The following PRDX3 variants were observed in gnomAD, a reference collection of about 807,000 sequenced individuals.
PRDX3 encodes the protein peroxiredoxin 3.
A neutral mutation model predicts 30.4 loss-of-function variants in PRDX3; 20 were observed. The ratio of observed to expected loss-of-function variants is 0.66; its 90% CI spans 0.46 to 0.96. PRDX3 has a LOEUF of 0.96. Among genes scored for constraint, PRDX3 ranks in the 40% least tolerant of loss-of-function variants. PRDX3 has a pLI of 0.00. For missense variants in PRDX3, 322 were observed against 318.3 expected, an observed-to-expected ratio of 1.01 and a Z score of -0.09; for synonymous variants, 124 against 117.8, an observed-to-expected ratio of 1.05 and a Z score of -0.34.
At chr10:119,175,624 T>G (rs989167336) in intron 2 of PRDX3, among the ~76,000 whole-genome samples, 14 of 152,118 alleles carry the variant, frequency 9.2e-5, no homozygotes, top group African/African-American at 2.7e-4. Context: ...CTCCATCTCC[T>G]GACCTCGTGA....
chr10:119,169,066 T>A, intron 6 of PRDX3, 111 bp downstream of exon 6: 1 of 1,080,100 alleles, frequency 9.3e-7, no homozygotes, highest in Non-Finnish European at 1.3e-6. Context: ...CATTTGCATA[T>A]CATCTGCACG....
At position 119,177,004 on chromosome 10, in the gene PRDX3, C is replaced by T. The variant is rs1848044768; in HGVS notation, c.169+17G>A. The T allele has an allele frequency of 6.2e-7, 1 of 1,613,908 alleles. No homozygotes were observed. Among genetic ancestry groups the T allele is most frequent in the South Asian group, 1.1e-5 (1 of 91,064 alleles). On this transcript the variant is annotated intron_variant, in intron 2 of 6. Coordinates refer to ENST00000298510, the MANE Select transcript of PRDX3 (RefSeq NM_006793.5). ...TTCCTTTACCTGGCTCCAGCCAAGA[C>T]ATGACATAACACTTACTGGTGCTGA...
intron 5 of PRDX3, among the ~76,000 whole-genome samples, 176 bp downstream of exon 5, chr10:119,172,206 G>C (rs1057136114): frequency 6.6e-6 from 1 of 152,176 alleles, no homozygotes; most frequent in African/African-American, 2.4e-5. Flanking sequence ...CTGAACTCAA[G>C]TGATCTTCCC....
Position 119,173,737 on chromosome 10 carries a change from C to T in PRDX3, c.447G>A (p.Lys149=), listed in dbSNP as rs1225112476. The T allele has an allele frequency of 1.9e-6, 3 of 1,611,382 alleles. No homozygotes were observed. Among genetic ancestry groups the T allele is most frequent in the Non-Finnish European group, 1.7e-6 (2 of 1,179,714 alleles). The change falls in exon 4 of 7, where the codon AAG becomes AAA. Residue 149 remains lysine, a splice_region_variant and synonymous_variant. Transcript: ENST00000298510. ...SHLAWINTPR[K]NGGLGHMNIA... is the part of the protein sequence containing the mutation. ...AAAAGCTAGGGGTACAATGCCATAC[C>T]TTTCTTGGTGTATTTATCCAGGCAA... is the stretch of plus-strand genomic sequence containing the variant.
At position 119,178,798 on chromosome 10, in the gene PRDX3, G is replaced by T; in HGVS notation, c.-8C>A. On this transcript the variant is annotated 5_prime_UTR_variant, in exon 1 of 7. Transcript: ENST00000298510. ...TCCTACAGCAGCCGCCATCTTCAGT[G>T]CACTCGGGCGCCACGGGGCGGGCAG... is the stretch of plus-strand genomic sequence containing the variant. The T allele has an allele frequency of 6.4e-7, 1 of 1,552,086 alleles. No individual in the cohort carries two copies. Among genetic ancestry groups the T allele is most frequent in the Non-Finnish European group, 8.7e-7 (1 of 1,147,846 alleles).
At chr10:119,173,417 G>A (rs567706866) in intron 4 of PRDX3, among the ~76,000 whole-genome samples, 5 of 152,092 alleles carry the variant, frequency 3.3e-5, no homozygotes, top group South Asian at 2.1e-4. Flanking sequence ...CGAGACCAGC[G>A]TGACCAACAT....
intron 2 of PRDX3, among the ~76,000 whole-genome samples, chr10:119,176,277 C>T (rs530481507): frequency 5.9e-5 from 9 of 152,258 alleles, no homozygotes; most frequent in African/African-American, 1.7e-4. Flanking sequence ...GATGAGGATT[C>T]GAAACCAGTG....
At chr10:119,172,970 G>A (rs1014439514) in intron 4 of PRDX3, among the ~76,000 whole-genome samples, 3 of 151,600 alleles carry the variant, frequency 2.0e-5, no homozygotes, top group Non-Finnish European at 4.4e-5. Flanking sequence ...ATGGAGTCTC[G>A]CTCTGTCGCC....
chr10:119,170,532 T>C (rs1268418190), intron 5 of PRDX3: 5 of 152,058 alleles, frequency 3.3e-5, no homozygotes, highest in Admixed American at 3.3e-4. Flanking sequence ...GCCAGTACCC[T>C]TTCTCTGGCC....
intron 2 of PRDX3, among the ~76,000 whole-genome samples, chr10:119,176,191 A>T (rs1848022051): frequency 6.6e-6 from 1 of 152,204 alleles, no homozygotes; most frequent in Non-Finnish European, 1.5e-5. Context: ...GCTTCTACCC[A>T]GGAATGAGCG....
intron 6 of PRDX3, 53 bp downstream of exon 6, chr10:119,169,124 C>A (rs1847840319): frequency 3.2e-6 from 5 of 1,585,584 alleles, no homozygotes; most frequent in Non-Finnish European, 4.3e-6. Flanking sequence ...AGGTCAATAG[C>A]TCTCGAGGCT....
intron 6 of PRDX3, among the ~76,000 whole-genome samples, chr10:119,168,938 A>G (rs563876161): frequency 6.9e-6 from 1 of 144,718 alleles, no homozygotes; most frequent in Non-Finnish European, 1.5e-5. Flanking sequence ...GCGCCACTGC[A>G]CTCCAGCCTG....
At chr10:119,169,376 C>T (rs1847852528) in intron 5 of PRDX3, 34 bp from the exon 6 acceptor site, 2 of 1,588,820 alleles carry the variant, frequency 1.3e-6, no homozygotes, top group Non-Finnish European at 1.7e-6. Flanking sequence ...AGTGCCTCAA[C>T]AGTACCAGAA....
chr10:119,176,987 C>A (rs1848044343), intron 2 of PRDX3, 34 bp downstream of exon 2: 31 of 1,612,714 alleles, frequency 1.9e-5, no homozygotes, highest in Non-Finnish European at 2.5e-5. Flanking sequence ...TTTTCCTTTA[C>A]CTGGCTCCAG....
At chr10:119,168,563 T>C in intron 6 of PRDX3, 30 bp from the exon 7 acceptor site, 1 of 1,612,230 alleles carries the variant, frequency 6.2e-7, no homozygotes, top group Non-Finnish European at 8.5e-7. Context: ...ATTAGGTAAC[T>C]GTGACTTTAC....
At chr10:119,173,066 G>A (rs1847945714) in intron 4 of PRDX3, among the ~76,000 whole-genome samples, 1 of 152,076 alleles carries the variant, frequency 6.6e-6, no homozygotes, top group South Asian at 2.1e-4. Flanking sequence ...AGCCTCCCGA[G>A]TAGCTGGGAC....
Position 119,173,840 on chromosome 10 carries a change from A to G in PRDX3, c.344T>C (p.Phe115Ser). The change falls in exon 4 of 7, where the codon TTT becomes TCT. Residue 115 changes from phenylalanine (F) to serine (S), a missense_variant. Transcript: ENST00000298510. ...TFVCPTEIVA[F>S]SDKANEFHDV... ...GTGAAATTCGTTAGCTTTGTCACTA[A>G]AAGCAACAATTTCTGTAGGACACAC... The G allele has an allele frequency of 6.2e-7, 1 of 1,611,762 alleles. No homozygotes were observed. The highest frequency in any genetic ancestry group is 8.5e-7 in the Non-Finnish European group (1 of 1,178,126).
intron 2 of PRDX3, 143 bp from the exon 3 acceptor site, chr10:119,174,735 C>CAAAGGATG: frequency 2.5e-6 from 2 of 792,106 alleles, no homozygotes; most frequent in Non-Finnish European, 3.8e-6. Flanking sequence ...ACATCTTAGG[C>CAAAGGATG]ACAGTCATCC....
intron 4 of PRDX3, among the ~76,000 whole-genome samples, chr10:119,173,288 TA>T (rs1847952607): frequency 6.6e-6 from 1 of 152,010 alleles, no homozygotes; most frequent in Admixed American, 6.5e-5. Context: ...TTCTCAAACA[TA>T]GACATGGAAG....
Sources: gnomAD v4.1 joint callset for allele counts (sites outside exome capture counted in the v4.1 genomes callset) on GRCh38, gnomAD v4.1.1 for gene constraint, MANE v1.5 for transcripts, NCBI Gene and HGNC (gene_info 2026-07-23, HGNC 2026-07-21) for gene names.